Variants in RYR3 observed in about 807,000 individuals in gnomAD.
RYR3 encodes the protein brain ryanodine receptor-calcium release channel.
RYR3 carries 207 observed loss-of-function variants against 584.3 expected under a neutral mutation model. That is an observed-to-expected ratio of 0.35 (90% CI 0.32 to 0.40). RYR3 has a LOEUF of 0.40. RYR3 is among the 10% of genes least tolerant of loss of function. The pLI is 1.00. For missense variants in RYR3, 5,616 were observed against 6,089.2 expected (o/e 0.92, Z 2.59); for synonymous variants, 2,416 against 2,248.5 (o/e 1.07, Z -2.11).
chr15:33,811,874 C>T (rs1308581483), intron 72 of RYR3, among the ~76,000 whole-genome samples: 1 of 151,972 alleles, frequency 6.6e-6, no homozygotes. Flanking sequence ...TGTTTTAAAG[C>T]CTGTGAATCT....
intron 1 of RYR3, among the ~76,000 whole-genome samples, chr15:33,341,687 T>G (rs370608169): frequency 4.1e-4 from 63 of 152,142 alleles, no homozygotes; most frequent in African/African-American, 1.3e-3. Context: ...AATTCTCTCA[T>G]GGAACCCTTG....
At chr15:33,318,609 A>C (rs1968527470) in intron 1 of RYR3, among the ~76,000 whole-genome samples, 1 of 152,200 alleles carries the variant, frequency 6.6e-6, no homozygotes, top group African/African-American at 2.4e-5. Flanking sequence ...ACATCAAAGC[A>C]CAGGAATCTA....
At chr15:33,365,647 A>G (rs1975388594) in intron 1 of RYR3, among the ~76,000 whole-genome samples, 2 of 152,232 alleles carry the variant, frequency 1.3e-5, no homozygotes, top group African/African-American at 4.8e-5. Flanking sequence ...ACGATGCTGT[A>G]TTGTACACTT....
intron 12 of RYR3, among the ~76,000 whole-genome samples, chr15:33,572,116 A>G (rs888446001): frequency 3.3e-5 from 5 of 152,174 alleles, no homozygotes; most frequent in African/African-American, 4.8e-5. Flanking sequence ...TGCCACATAT[A>G]TTATATCTTC....
At chr15:33,330,631 A>T (rs1426484409) in intron 1 of RYR3, among the ~76,000 whole-genome samples, 1 of 152,160 alleles carries the variant, frequency 6.6e-6, no homozygotes, top group Non-Finnish European at 1.5e-5. Flanking sequence ...AGATTGACTA[A>T]TACTATGCTC....
chr15:33,644,742 A>C (rs1404592232), intron 28 of RYR3, among the ~76,000 whole-genome samples: 1 of 152,228 alleles, frequency 6.6e-6, no homozygotes, highest in African/African-American at 2.4e-5. Context: ...AAAACCTTAC[A>C]GATCAACTCT....
intron 3 of RYR3, among the ~76,000 whole-genome samples, chr15:33,511,914 G>A (rs1218743246): frequency 1.3e-5 from 2 of 152,014 alleles, no homozygotes; most frequent in Non-Finnish European, 2.9e-5. Flanking sequence ...GAGTAGCTGG[G>A]ACTACAGGCG....
At chr15:33,631,816 G>C (rs11634480) in intron 23 of RYR3, among the ~76,000 whole-genome samples, 8,310 of 152,278 alleles carry the variant, frequency 0.055, 213 homozygotes, top group Middle Eastern at 0.085. Context: ...TGGCCCCCTT[G>C]CTTGTTTGCT....
At chr15:33,666,198 G>T (rs1276546535) in intron 36 of RYR3, among the ~76,000 whole-genome samples, 1 of 152,078 alleles carries the variant, frequency 6.6e-6, no homozygotes, top group African/African-American at 2.4e-5. Context: ...AGAGGGGTGG[G>T]TTTCCCCATA....
chr15:33,361,004 T>C (rs1974692712), intron 1 of RYR3, among the ~76,000 whole-genome samples: 2 of 152,172 alleles, frequency 1.3e-5, no homozygotes, highest in Non-Finnish European at 2.9e-5. Context: ...CAGTAATGGC[T>C]GTATTGAGGG....
At chr15:33,722,981 A>G in intron 44 of RYR3, 86 bp downstream of exon 44, 1 of 1,212,346 alleles carries the variant, frequency 8.2e-7, no homozygotes, top group Non-Finnish European at 1.2e-6. Flanking sequence ...AGGAGGTAAT[A>G]GAGAAAGCAC....
chr15:33,694,536 G>A (rs892949018), intron 38 of RYR3, among the ~76,000 whole-genome samples: 3 of 135,388 alleles, frequency 2.2e-5, no homozygotes, highest in Admixed American at 7.3e-5. Context: ...GAGCCACTGC[G>A]CCTGGCCTAG....
intron 16 of RYR3, among the ~76,000 whole-genome samples, chr15:33,591,033 G>C (rs1369412105): frequency 1.3e-5 from 2 of 152,152 alleles, no homozygotes; most frequent in Non-Finnish European, 2.9e-5. Flanking sequence ...AAAGACAGGA[G>C]TGTGTTGCAG....
rs752153446 is a variant in RYR3, at chr15:33,821,333, G to A, written c.10879G>A (p.Ala3627Thr). The A allele has an allele frequency of 4.4e-6, 7 of 1,605,034 alleles. No homozygotes were observed. The African/African-American group carries it at 6.7e-5, about 15-fold the overall frequency. Reference sequence around the variant, plus strand: ...AGCTCGGCTGCATGAGCGTGGTGCTGCAGAGATGGTCCTTCAGATGATAAG... The same window carrying A: ...AGCTCGGCTGCATGAGCGTGGTGCTACAGAGATGGTCCTTCAGATGATAAG... The part of the protein sequence containing the change: ...QQARLHERGA[A>T]EMVLQMISAS... The change falls in exon 79 of 104, where the codon GCA becomes ACA. Residue 3627 changes from alanine (A) to threonine (T), a missense_variant. By Grantham distance (58) the Ala-to-Thr change is moderately conservative (BLOSUM62 0). Coordinates refer to ENST00000634891, the MANE Select transcript of RYR3 (RefSeq NM_001036.6).
At chr15:33,832,165 G>A (rs1480872658) in intron 86 of RYR3, among the ~76,000 whole-genome samples, 1 of 151,876 alleles carries the variant, frequency 6.6e-6, no homozygotes, top group East Asian at 1.9e-4. Context: ...ATGGTGTCGT[G>A]CGCGTGTAGT....
chr15:33,534,408 A>C (rs1468779530), intron 5 of RYR3, among the ~76,000 whole-genome samples: 1 of 152,270 alleles, frequency 6.6e-6, no homozygotes, highest in East Asian at 1.9e-4. Flanking sequence ...TCTCGAAAGA[A>C]AAAAGTAGTA....
At chr15:33,753,490 T>C (rs1487945226) in intron 57 of RYR3, among the ~76,000 whole-genome samples, 1 of 152,158 alleles carries the variant, frequency 6.6e-6, no homozygotes, top group Non-Finnish European at 1.5e-5. Context: ...ATGGTGCTGG[T>C]GGGCTGTGCT....
Position 33,853,560 on chromosome 15 carries a change from C to T in RYR3, c.13677C>T (p.Ile4559=). The T allele has an allele frequency of 6.2e-7, 1 of 1,613,494 alleles. No homozygotes were observed. The highest frequency in any genetic ancestry group is 8.5e-7 in the Non-Finnish European group (1 of 1,179,650). ...YWDKFVKRKV[I]NKYGDLYGAE... Reference sequence around the variant, plus strand: ...CCTGTCATCCTTTGCTTCAGGTGATCAACAAGTATGGAGATCTCTACGGAG... The same window carrying T: ...CCTGTCATCCTTTGCTTCAGGTGATTAACAAGTATGGAGATCTCTACGGAG... The change falls in exon 96 of 104, where the codon ATC becomes ATT. Residue 4559 remains isoleucine (I), a synonymous_variant. Coordinates refer to ENST00000634891, the MANE Select transcript of RYR3 (RefSeq NM_001036.6).
chr15:33,354,429 C>CT (rs1973688908), intron 1 of RYR3, among the ~76,000 whole-genome samples: 1 of 152,218 alleles, frequency 6.6e-6, no homozygotes, highest in African/African-American at 2.4e-5. Flanking sequence ...CTAATGTCAC[C>CT]TATGAAGCCT....
Sources: allele counts gnomAD v4.1 joint callset (sites outside exome capture counted in the v4.1 genomes callset), GRCh38; gene constraint gnomAD v4.1.1; transcripts MANE v1.5; gene names NCBI Gene and HGNC (gene_info 2026-07-23, HGNC 2026-07-21).